The following DLG2 variants were observed in gnomAD, a reference collection of about 807,000 sequenced individuals.
DLG2 encodes disks large homolog 2.
In DLG2, 45 loss-of-function variants were observed where a neutral mutation model predicts 132.5. That is an observed-to-expected ratio of 0.34 (90% CI 0.27 to 0.44). The LOEUF is 0.44. DLG2 is among the 20% of genes least tolerant of loss of function. DLG2 has a pLI of 1.00. For missense variants in DLG2, 1,045 were observed against 1,196.9 expected, an observed-to-expected ratio of 0.87 and a Z score of 1.87; for synonymous variants, 424 against 419.6, an observed-to-expected ratio of 1.01 and a Z score of -0.13.
chr11:84,647,296 G>C (rs1288779549), intron 6 of DLG2, among the ~76,000 whole-genome samples: 1 of 151,996 alleles, frequency 6.6e-6, no homozygotes, highest in Non-Finnish European at 1.5e-5. Context: ...ATAAATAAAG[G>C]ATGATAATGA....
intron 3 of DLG2, among the ~76,000 whole-genome samples, chr11:85,520,960 A>T (rs887030122): frequency 6.6e-6 from 1 of 152,190 alleles, no homozygotes; most frequent in Non-Finnish European, 1.5e-5. Flanking sequence ...CTGGGCAAAG[A>T]TTTCTTGAGT....
At chr11:83,806,745 T>A (rs1332143917) in intron 17 of DLG2, among the ~76,000 whole-genome samples, 1 of 152,150 alleles carries the variant, frequency 6.6e-6, no homozygotes, top group Non-Finnish European at 1.5e-5. Flanking sequence ...CTTCCTCAAC[T>A]CTGAAGAAGC....
chr11:84,764,504 C>T (rs148781198), intron 6 of DLG2, among the ~76,000 whole-genome samples: 1 of 152,050 alleles, frequency 6.6e-6, no homozygotes, highest in African/African-American at 2.4e-5. Flanking sequence ...TAAAAAATGG[C>T]TAATTGAATC....
At chr11:84,683,480 A>G (rs188385483) in intron 6 of DLG2, among the ~76,000 whole-genome samples, 108 of 152,306 alleles carry the variant, frequency 7.1e-4, no homozygotes, top group African/African-American at 2.4e-3. Context: ...TAAGAACTGC[A>G]AAACCAAGTA....
intron 18 of DLG2, among the ~76,000 whole-genome samples, chr11:83,655,959 A>G (rs943981122): frequency 6.6e-6 from 1 of 152,232 alleles, no homozygotes; most frequent in African/African-American, 2.4e-5. Context: ...AAAGATGCCT[A>G]AACAGTGCAG....
intron 6 of DLG2, among the ~76,000 whole-genome samples, chr11:84,757,587 C>T (rs577252346): frequency 6.6e-6 from 1 of 152,148 alleles, no homozygotes; most frequent in Non-Finnish European, 1.5e-5. Flanking sequence ...CAAAGAGGCA[C>T]CTCCTCTCCA....
intron 6 of DLG2, among the ~76,000 whole-genome samples, chr11:84,947,818 C>T (rs907774744): frequency 6.6e-5 from 10 of 152,172 alleles, no homozygotes; most frequent in African/African-American, 1.7e-4. Context: ...TAATAGTATG[C>T]TCTTTTACTC....
chr11:85,383,630 C>T (rs767890726), intron 3 of DLG2, among the ~76,000 whole-genome samples: 5 of 152,240 alleles, frequency 3.3e-5, no homozygotes, highest in Middle Eastern at 3.4e-3. Flanking sequence ...AGTTTTCTAA[C>T]GTCAACTATC....
intron 8 of DLG2, among the ~76,000 whole-genome samples, chr11:84,177,525 A>G (rs141852312): frequency 1.4e-3 from 211 of 152,286 alleles, no homozygotes; most frequent in African/African-American, 4.8e-3. Context: ...GTGACTTTAG[A>G]AAAGTTAAAT....
intron 6 of DLG2, among the ~76,000 whole-genome samples, chr11:85,074,352 TACC>T: frequency 6.6e-6 from 1 of 152,024 alleles, no homozygotes; most frequent in Admixed American, 6.6e-5. Flanking sequence ...TTCTCATTTC[TACC>T]ACTTTTTTGC....
At chr11:85,489,772 G>A (rs928094829) in intron 3 of DLG2, among the ~76,000 whole-genome samples, 8 of 152,064 alleles carry the variant, frequency 5.3e-5, no homozygotes, top group African/African-American at 1.7e-4. Context: ...AACTTCAGAA[G>A]CTATACGAAC....
rs542578802 is a variant in DLG2, at chr11:84,011,471, T to TAATA, written c.920-30833_920-30830dup. On this transcript the variant is annotated intron_variant, in intron 11 of 27. Coordinates refer to ENST00000376104, the MANE Select transcript of DLG2 (RefSeq NM_001142699.3). ...GGGTGACAGAGTAAGGCCTCATCTC[T>TAATA]AATAAATAAATAAATAAATTAATTA... Among the ~76,000 whole-genome samples, 364 of 151,774 alleles carry TAATA rather than the reference T, an allele frequency of 2.4e-3. 4 individuals carry two copies. Among genetic ancestry groups the TAATA allele is most frequent in the African/African-American group, 6.7e-3 (279 of 41,386 alleles).
At chr11:84,711,336 G>C (rs923064081) in intron 6 of DLG2, among the ~76,000 whole-genome samples, 2 of 61,738 alleles carry the variant, frequency 3.2e-5, no homozygotes, top group African/African-American at 3.3e-4. Context: ...CAGTAAGAGA[G>C]AGAGAGAGAG....
chr11:85,506,219 G>T (rs1305867111), intron 3 of DLG2, among the ~76,000 whole-genome samples: 5 of 152,098 alleles, frequency 3.3e-5, no homozygotes. Context: ...GTCTCCTTCA[G>T]TTCTGCTCTG....
chr11:85,511,350 T>A (rs166998), intron 3 of DLG2, among the ~76,000 whole-genome samples: 1 of 151,624 alleles, frequency 6.6e-6, no homozygotes, highest in Middle Eastern at 3.2e-3. Context: ...TGTGCACATG[T>A]ACCCTAAAAC....
chr11:84,109,306 G>A (rs1273631118), intron 9 of DLG2, among the ~76,000 whole-genome samples: 2 of 152,156 alleles, frequency 1.3e-5, no homozygotes, highest in African/African-American at 4.8e-5. Context: ...GGGTATATGA[G>A]AAAGTTTTCT....
In DLG2 at chr11:83,735,724, G is replaced by A. The variant is rs150774656; in HGVS notation, c.1825+50966C>T. Among the ~76,000 whole-genome samples the A allele has an allele frequency of 9.4e-4, 143 of 152,214 alleles. 1 individual carries two copies. The highest frequency in any genetic ancestry group is 8.7e-3 in the South Asian group (42 of 4,818). On this transcript the variant is annotated intron_variant, in intron 18 of 27. Coordinates refer to ENST00000376104, the MANE Select transcript of DLG2 (RefSeq NM_001142699.3). ...TATAGTCACATTCTTTCTAACCAGC[G>A]GTTCTGTTTACCACTGGAAATTGAG...
intron 7 of DLG2, among the ~76,000 whole-genome samples, chr11:84,485,242 G>T (rs2099147844): frequency 6.6e-6 from 1 of 152,038 alleles, no homozygotes; most frequent in African/African-American, 2.4e-5. Context: ...TACTTAGTTT[G>T]ATATACTTTG....
chr11:83,461,018 T>A (rs917927335), intron 27 of DLG2, among the ~76,000 whole-genome samples: 25 of 117,936 alleles, frequency 2.1e-4, no homozygotes, highest in Non-Finnish European at 3.3e-4. Flanking sequence ...TTTTTTTTTT[T>A]TTTTTTTGAG....
Sources: allele counts gnomAD v4.1 joint callset (sites outside exome capture counted in the v4.1 genomes callset), GRCh38; gene constraint gnomAD v4.1.1; transcripts MANE v1.5; gene names NCBI Gene and HGNC (gene_info 2026-07-23, HGNC 2026-07-21).